Variants in ZNF723 observed in about 807,000 individuals in gnomAD.
ZNF723 encodes the protein zinc finger protein 723, also known as zinc finger protein 723, pseudogene.
In ZNF723, 5 loss-of-function variants were observed where a neutral mutation model predicts 9.4. That is an observed-to-expected ratio of 0.53 (90% CI 0.28 to 1.12). The LOEUF (loss-of-function observed/expected upper bound fraction) is 1.12, where lower values mean the gene tolerates loss of function less well. Ranked by LOEUF, ZNF723 falls within the 50% of genes most tolerant of loss-of-function variation. ZNF723 has a pLI of 0.10. For missense variants in ZNF723, 450 were observed against 501.5 expected, an observed-to-expected ratio of 0.90 and a Z score of 0.98; for synonymous variants, 158 against 168.8, an observed-to-expected ratio of 0.94 and a Z score of 0.49.
the ZNF723 span, among the ~76,000 whole-genome samples, chr19:22,815,644 G>T: frequency 1.3e-5 from 2 of 152,176 alleles, no homozygotes; most frequent in African/African-American, 4.8e-5. Context: ...GCTACCAGGT[G>T]CATTGGTTAC....
the ZNF723 span, among the ~76,000 whole-genome samples, chr19:22,820,542 A>G: frequency 6.4e-3 from 973 of 152,276 alleles, 7 homozygotes; most frequent in African/African-American, 0.022. Context: ...GGATTGTGAC[A>G]TATGTCTTTG....
At chr19:22,820,266 A>G in the ZNF723 span, among the ~76,000 whole-genome samples, 1 of 152,008 alleles carries the variant, frequency 6.6e-6, no homozygotes, top group African/African-American at 2.4e-5. Context: ...TGAAATACTC[A>G]TGGGCCCCCA....
upstream of ZNF723, among the ~76,000 whole-genome samples, chr19:22,830,359 G>T (rs1967081049): frequency 6.6e-6 from 1 of 152,164 alleles, no homozygotes; most frequent in African/African-American, 2.4e-5. Context: ...ATAGACATAG[G>T]ATCTTACTAT....
At chr19:22,813,788 TGGTCAAATTTGG>T in the ZNF723 span, among the ~76,000 whole-genome samples, 1 of 151,000 alleles carries the variant, frequency 6.6e-6, no homozygotes, top group African/African-American at 2.4e-5. Context: ...TGTGAGCATC[TGGTCAAATTTGG>T]GGTAGCAAAA....
upstream of ZNF723, among the ~76,000 whole-genome samples, chr19:22,829,049 T>G (rs569006128): frequency 5.3e-5 from 8 of 152,146 alleles, no homozygotes; most frequent in African/African-American, 1.9e-4. Flanking sequence ...GGCAGGCACC[T>G]GTAATCACAG....
At chr19:22,856,640 G>A (rs1967484244) in intron 3 of ZNF723, among the ~76,000 whole-genome samples, 1 of 152,072 alleles carries the variant, frequency 6.6e-6, no homozygotes. Context: ...TTTACATTTA[G>A]TCTCAGCAAA....
At chr19:22,855,830 C>G (rs1967469990) in intron 3 of ZNF723, among the ~76,000 whole-genome samples, 1 of 152,088 alleles carries the variant, frequency 6.6e-6, no homozygotes, top group African/African-American at 2.4e-5. Context: ...TTCCAAGATT[C>G]TCTTTTTGTC....
chr19:22,823,367 A>C, the ZNF723 span, among the ~76,000 whole-genome samples: 1 of 152,166 alleles, frequency 6.6e-6, no homozygotes. Flanking sequence ...TGAAAGTTAG[A>C]ATTGTGACTC....
chr19:22,841,848 C>G (rs1168268103), intron 1 of ZNF723, among the ~76,000 whole-genome samples: 2 of 152,000 alleles, frequency 1.3e-5, no homozygotes, highest in African/African-American at 4.8e-5. Context: ...GCTGCAGATC[C>G]AAATTCTGAA....
the ZNF723 span, among the ~76,000 whole-genome samples, chr19:22,824,690 A>C: frequency 6.6e-6 from 1 of 151,098 alleles, no homozygotes; most frequent in African/African-American, 2.4e-5. Flanking sequence ...ACACCCAGCC[A>C]ATAGTTAGAA....
At chr19:22,817,183 A>G in the ZNF723 span, among the ~76,000 whole-genome samples, 1 of 152,258 alleles carries the variant, frequency 6.6e-6, no homozygotes, top group Non-Finnish European at 1.5e-5. Context: ...TTTTTTATTT[A>G]TTACTTAGGT....
At chr19:22,831,053 G>A (rs1568401680), upstream of ZNF723, among the ~76,000 whole-genome samples, 1 of 152,056 alleles carries the variant, frequency 6.6e-6, no homozygotes, top group Admixed American at 6.6e-5. Flanking sequence ...GTGAGCCACC[G>A]TGCCCGGCCA....
chr19:22,821,751 T>C, the ZNF723 span, among the ~76,000 whole-genome samples: 1 of 152,300 alleles, frequency 6.6e-6, no homozygotes, highest in South Asian at 2.1e-4. Flanking sequence ...CTTAGCTAGA[T>C]TTTGGACAGT....
At chr19:22,848,210 G>C (rs150881515) in intron 1 of ZNF723, 51 bp from the exon 2 acceptor site, 3 of 658,194 alleles carry the variant, frequency 4.6e-6, no homozygotes, top group Non-Finnish European at 7.4e-6. Context: ...AAATTCTGCC[G>C]TTGGCCACCC....
In ZNF723 at chr19:22,857,609, G is replaced by A. The variant is rs12978254; in HGVS notation, c.718G>A (p.Val240Met). 1 of 1,302,278 alleles carries A rather than the reference G, an allele frequency of 7.7e-7. No homozygotes were observed. The highest frequency in any genetic ancestry group is 1.2e-5 in the South Asian group (1 of 84,204). The allele number at this position is 1,302,278 out of a possible 1,614,324, so 80.7% of individuals were successfully genotyped here. ...KCEECGKAFN[V>M]SSSLNNHKRI... ...TGAAGAATGTGGCAAAGCCTTTAAT[G>A]TGTCCTCAAGCCTTAATAATCATAA... The change falls in exon 4 of 4, where the codon GTG becomes ATG. Residue 240 changes from valine to methionine, a missense_variant. This residue lies in a region of ZNF723 where 237 missense variants were observed against 332.2 expected (regional missense o/e 0.71). Transcript: ENST00000600766.
chr19:22,851,430 C>A, intron 3 of ZNF723, among the ~76,000 whole-genome samples: 1 of 152,094 alleles, frequency 6.6e-6, no homozygotes, highest in African/African-American at 2.4e-5. Flanking sequence ...CCTTGACCTC[C>A]TAAAGTGCTG....
intron 1 of ZNF723, among the ~76,000 whole-genome samples, chr19:22,839,168 A>T (rs1967207224): frequency 6.6e-6 from 1 of 151,912 alleles, no homozygotes; most frequent in Non-Finnish European, 1.5e-5. Context: ...GCCCTTCTGT[A>T]TTATATTTTC....
the ZNF723 span, among the ~76,000 whole-genome samples, chr19:22,812,517 T>G: frequency 2.6e-5 from 4 of 152,254 alleles, no homozygotes; most frequent in East Asian, 7.7e-4. Context: ...ACAACTGAGC[T>G]TAGTTCCACA....
chr19:22,834,842 TC>T (rs1434168569), intron 1 of ZNF723, among the ~76,000 whole-genome samples: 4 of 151,642 alleles, frequency 2.6e-5, no homozygotes, highest in Admixed American at 1.3e-4. Context: ...AAAAATAGTA[TC>T]CCCAAAGACA....
Sources: allele counts gnomAD v4.1 joint callset (sites outside exome capture counted in the v4.1 genomes callset), GRCh38; gene constraint gnomAD v4.1.1; regional missense constraint gnomAD v4.1.1; transcripts MANE v1.5; gene names NCBI Gene and HGNC (gene_info 2026-07-23, HGNC 2026-07-21).